MMP2: variants seen among roughly 807,000 people sequenced by gnomAD.
MMP2 encodes the protein matrix metallopeptidase 2.
MMP2 carries 39 observed loss-of-function variants against 74.8 expected under a neutral mutation model. The observed-to-expected ratio is 0.52, with a 90% CI of 0.40 to 0.68. MMP2 has a LOEUF of 0.68. MMP2 is among the 30% of genes least tolerant of loss of function. The pLI is 0.00. For missense variants in MMP2, 803 were observed against 878.3 expected (o/e 0.91, Z 1.08); for synonymous variants, 367 against 339.8 (o/e 1.08, Z -0.88).
At chr16:55,488,170 A>T (rs944769990) in intron 5 of MMP2, 2 of 258,654 alleles carry the variant, frequency 7.7e-6, no homozygotes, top group East Asian at 1.0e-4. Flanking sequence ...CCTGCCTGCC[A>T]TGACTGATAT....
In MMP2 at chr16:55,484,108, G is replaced by C. The variant is rs368486758; in HGVS notation, c.473G>C (p.Arg158Pro). 6.2e-7 allele frequency: 1 copy of C among 1,614,172 alleles called. No individual in the cohort carries two copies. Among genetic ancestry groups the C allele is most frequent in the Non-Finnish European group, 8.5e-7 (1 of 1,180,036 alleles). ...GTCTGGAGCGATGTGACCCCACTGC[G>C]GTTTTCTCGAATCCATGATGGAGAG... The part of the protein sequence containing the change: ...FQVWSDVTPL[R>P]FSRIHDGEAD... Residue 158 changes from arginine (R) to proline (P), a missense_variant, in exon 3 of 13, where the codon CGG (arginine) becomes CCG (proline). Around this residue, in one of 3 missense-constraint regions of MMP2, gnomAD observed 223 missense variants for 232.8 expected, o/e 0.96. Coordinates refer to ENST00000219070, the MANE Select transcript of MMP2 (RefSeq NM_004530.6).
chr16:55,502,102 C>T (rs1419376669), intron 11 of MMP2, among the ~76,000 whole-genome samples: 3 of 152,192 alleles, frequency 2.0e-5, no homozygotes, highest in Non-Finnish European at 2.9e-5. Context: ...GCATGTGGCC[C>T]ACCCTGTGAC....
chr16:55,489,757 A>C lies in MMP2; in HGVS notation c.1113A>C (p.Gly371=). 1 of 1,614,178 alleles carries C rather than the reference A, an allele frequency of 6.2e-7. No homozygotes were observed. Among genetic ancestry groups the C allele is most frequent in the Non-Finnish European group, 8.5e-7 (1 of 1,180,024 alleles). ...GCACCAGCGCCGGCCGCAGTGACGG[A>C]AAGATGTGGTGTGCGACCACAGCCA... ...ESCTSAGRSD[G]KMWCATTANY... is the part of the protein sequence containing the mutation. The change falls in exon 7 of 13, where the codon GGA becomes GGC. Residue 371 remains glycine, a synonymous_variant. Coordinates refer to ENST00000219070, the MANE Select transcript of MMP2 (RefSeq NM_004530.6).
In MMP2 at chr16:55,491,949, G is replaced by T; in HGVS notation, c.1329G>T (p.Glu443Asp). Residue 443 changes from glutamate to aspartate, a missense_variant, in exon 8 of 13, where the codon GAG becomes GAT. By Grantham distance (45) the Glu-to-Asp change is conservative. Around this residue, in one of 3 missense-constraint regions of MMP2, gnomAD observed 555 missense variants for 592.0 expected, o/e 0.94. Coordinates refer to ENST00000219070, the MANE Select transcript of MMP2 (RefSeq NM_004530.6). ...LSQDDIKGIQ[E>D]LYGASPDIDL... ...AGGATGACATCAAGGGCATTCAGGA[G>T]CTCTATGGTAAACCTCCGGGCGGGG... 6.2e-7 allele frequency: 1 copy of T among 1,607,784 alleles called. No individual in the cohort carries two copies.
At chr16:55,499,562 T>G (rs1307358279) in intron 11 of MMP2, among the ~76,000 whole-genome samples, 3 of 152,170 alleles carry the variant, frequency 2.0e-5, no homozygotes, top group Non-Finnish European at 4.4e-5. Context: ...GGTCCAGTTC[T>G]GAGGGGCTAT....
rs17859920 is a variant in MMP2, at chr16:55,489,935, C to A, written c.1180+111C>A. 5,247 of 1,269,442 alleles carry A rather than the reference C, an allele frequency of 4.1e-3. 53 individuals carry two copies. The highest frequency in any genetic ancestry group is 0.034 in the African/African-American group (2,345 of 68,086). 78.6% of individuals were successfully genotyped at this position (1,269,442 alleles called of 1,614,324 possible). The stretch of plus-strand genomic sequence containing the variant: ...CACTTCAAGCATAGACACTGCCCCC[C>A]AGACACCCACCTACCCAGACCCGCC... On this transcript the variant is annotated intron_variant, in intron 7 of 12. Coordinates refer to ENST00000219070, the MANE Select transcript of MMP2 (RefSeq NM_004530.6).
rs754848720 is a variant in MMP2, at chr16:55,485,333, C to T, written c.564C>T (p.Asp188=). The T allele has an allele frequency of 1.4e-5, 22 of 1,614,070 alleles. No individual in the cohort carries two copies. In the Middle Eastern group the frequency reaches 4.9e-4, roughly 36 times the overall value. ...ATGGATACCCCTTTGACGGTAAGGA[C>T]GGACTCCTGGCTCATGCCTTCGCCC... ...HGDGYPFDGK[D]GLLAHAFAPG... Residue 188 remains aspartate, a synonymous_variant, in exon 4 of 13, where the codon GAC becomes GAT. Transcript: ENST00000219070.
intron 1 of MMP2, among the ~76,000 whole-genome samples, chr16:55,482,440 A>C (rs1420502376): frequency 6.6e-6 from 1 of 152,186 alleles, no homozygotes; most frequent in Non-Finnish European, 1.5e-5. Flanking sequence ...ATAGAGGTAA[A>C]GGAAGGATGC....
In MMP2 at chr16:55,483,151, T is replaced by C; in HGVS notation, c.380+16T>C. 6.2e-7 allele frequency: 1 copy of C among 1,606,748 alleles called. No individual in the cohort carries two copies. The highest frequency in any genetic ancestry group is 1.7e-5 in the Admixed American group (1 of 59,900). ...TCACATACAGGTGCCGGGGCAGGGC[T>C]TGGGGAGGCAGGGCCATGGGGCTGA... On this transcript the variant is annotated intron_variant, in intron 2 of 12. Transcript: ENST00000219070.
chr16:55,483,678 TA>T (rs1417564565), intron 2 of MMP2, among the ~76,000 whole-genome samples: 1 of 152,086 alleles, frequency 6.6e-6, no homozygotes, highest in Non-Finnish European at 1.5e-5. Context: ...ATGCACTACT[TA>T]TGGCCCTCCC....
intron 11 of MMP2, among the ~76,000 whole-genome samples, chr16:55,501,954 C>G (rs560331094): frequency 6.6e-6 from 1 of 152,238 alleles, no homozygotes; most frequent in African/African-American, 2.4e-5. Flanking sequence ...AACATGACAG[C>G]AGCATTTAAA....
At chr16:55,491,283 G>C (rs1482818466) in intron 7 of MMP2, among the ~76,000 whole-genome samples, 2 of 152,096 alleles carry the variant, frequency 1.3e-5, no homozygotes, top group Non-Finnish European at 2.9e-5. Context: ...CACAGGTTTT[G>C]CTCGCTGGCT....
At chr16:55,487,979 G>GCA in intron 5 of MMP2, 1 of 166,744 alleles carries the variant, frequency 6.0e-6, no homozygotes, top group Non-Finnish European at 1.3e-5. Flanking sequence ...GCGTGTGCAC[G>GCA]CACACACACA....
At chr16:55,483,156 G>T (rs369942748) in intron 2 of MMP2, 21 bp downstream of exon 2, 59 of 1,601,086 alleles carry the variant, frequency 3.7e-5, no homozygotes, top group Non-Finnish European at 5.0e-5. Flanking sequence ...AGGGCTTGGG[G>T]AGGCAGGGCC....
chr16:55,505,241 C>T (rs1962770152), intron 12 of MMP2, 98 bp from the exon 13 acceptor site: 4 of 1,026,404 alleles, frequency 3.9e-6, no homozygotes. Flanking sequence ...TTAAAAGCTT[C>T]TTCCCTATGC....
chr16:55,491,064 T>G (rs1463040192), intron 7 of MMP2, among the ~76,000 whole-genome samples: 1 of 133,872 alleles, frequency 7.5e-6, no homozygotes, highest in Non-Finnish European at 1.6e-5. Context: ...TCTGCTTGCC[T>G]CTCCTCCTTT....
At chr16:55,482,787 C>G (rs1962137029) in intron 1 of MMP2, 122 bp from the exon 2 acceptor site, 1 of 854,606 alleles carries the variant, frequency 1.2e-6, no homozygotes, top group Non-Finnish European at 1.9e-6. Flanking sequence ...TCTGGGACCC[C>G]TGGCTTATTT....
rs755549743 is a variant in MMP2, at chr16:55,488,586, G to A, written c.876G>A (p.Lys292=). 1 of 1,614,014 alleles carries A rather than the reference G, an allele frequency of 6.2e-7. No homozygotes were observed. The part of the protein sequence containing the change: ...MGGNAEGQPC[K]FPFRFQGTSY... ...GCAACGCTGAAGGACAGCCCTGCAA[G>A]TTTCCATTCCGCTTCCAGGGCACAT... Residue 292 remains lysine (K), a synonymous_variant, in exon 6 of 13, where the codon AAG becomes AAA. Transcript: ENST00000219070.
In MMP2 at chr16:55,479,381, A is replaced by G. The variant is rs1596803073; in HGVS notation, c.-99A>G. The G allele has an allele frequency of 1.5e-6, 2 of 1,297,842 alleles. No individual in the cohort carries two copies. Among genetic ancestry groups the G allele is most frequent in the African/African-American group, 3.1e-5 (2 of 63,650 alleles). 80.4% of individuals were successfully genotyped at this position (1,297,842 alleles called of 1,614,324 possible). The stretch of plus-strand genomic sequence containing the variant: ...CCGAGCCAGCGGACCCTCGGAGCGC[A>G]GCCCTGCGCCGCGGAGCAGGCTCCA... On this transcript the variant is annotated 5_prime_UTR_variant, in exon 1 of 13. Transcript: ENST00000219070.
Sources: allele counts gnomAD v4.1 joint callset (sites outside exome capture counted in the v4.1 genomes callset), GRCh38; gene constraint gnomAD v4.1.1; regional missense constraint gnomAD v4.1.1; transcripts MANE v1.5; gene names NCBI Gene and HGNC (gene_info 2026-07-23, HGNC 2026-07-21).